Variants in GSE1 observed in about 807,000 individuals in gnomAD.
GSE1 encodes genetic suppressor element 1.
A neutral mutation model predicts 112.6 loss-of-function variants in GSE1; 32 were observed. The observed-to-expected ratio is 0.28, with a 90% CI of 0.21 to 0.38. GSE1 has a LOEUF of 0.38. Among genes scored for constraint, GSE1 ranks in the 10% least tolerant of loss-of-function variants. The pLI, the probability that GSE1 is intolerant of heterozygous loss-of-function variation, is 1.00. For synonymous variants in GSE1, 1,115 were observed against 735.6 expected (o/e 1.52, Z -8.35); for missense variants, 2,348 against 1,699.2 (o/e 1.38, Z -6.71).
intron 2 of GSE1, among the ~76,000 whole-genome samples, chr16:85,546,436 C>G (rs1431429113): frequency 1.3e-5 from 2 of 152,170 alleles, no homozygotes; most frequent in Non-Finnish European, 2.9e-5. Context: ...GGCTCAACCT[C>G]TCAGGGGTGC....
At chr16:85,508,015 C>T (rs372770871) in intron 2 of GSE1, among the ~76,000 whole-genome samples, 53 of 152,246 alleles carry the variant, frequency 3.5e-4, no homozygotes, top group East Asian at 1.9e-3. Context: ...TGGCCAGTGC[C>T]CCGACTTCTA....
At position 85,235,470 on chromosome 16, in the gene GSE1, G is replaced by GTA. The variant is rs1555544676; in HGVS notation, c.2283+63664_2283+63665dup. On this transcript the variant is annotated intron_variant, in intron 1 of 2. Transcript: ENST00000637419. ...TGTGTGTGTGTGTGTGTGTGTGTGT[G>GTA]TAGGGGGTGTGTTCTGGCCTCCCAT... 1.2e-3 allele frequency among the ~76,000 whole-genome samples: 166 copies of GTA among 135,250 alleles called. 1 individual carries two copies. Among genetic ancestry groups the GTA allele is most frequent in the African/African-American group, 4.4e-3 (158 of 36,304 alleles). The allele number at this position is 135,250 out of a possible 152,430, so 88.7% of individuals were successfully genotyped here.
upstream of GSE1, among the ~76,000 whole-genome samples, chr16:85,607,608 C>A (rs1265162640): frequency 6.6e-6 from 1 of 152,130 alleles, no homozygotes; most frequent in Non-Finnish European, 1.5e-5. Context: ...TTCCTGTTCC[C>A]CTAGAGGTGA....
At chr16:85,629,106 C>T (rs574791547) in intron 1 of GSE1, among the ~76,000 whole-genome samples, 4 of 152,350 alleles carry the variant, frequency 2.6e-5, no homozygotes, top group South Asian at 2.1e-4. Context: ...TGGCTTCCCT[C>T]GCCTTCCGCC....
chr16:85,464,369 G>A (rs1250695341), intron 2 of GSE1, among the ~76,000 whole-genome samples: 1 of 152,202 alleles, frequency 6.6e-6, no homozygotes, highest in Admixed American at 6.5e-5. Context: ...TTAGAGAAAA[G>A]GGGAGGCTTT....
chr16:85,390,703 C>CA (rs1351029682), intron 2 of GSE1, among the ~76,000 whole-genome samples: 2 of 15,464 alleles, frequency 1.3e-4, no homozygotes, highest in Non-Finnish European at 3.6e-4. Context: ...CCTTGTTCTG[C>CA]CCCCCCCACC....
intron 2 of GSE1, among the ~76,000 whole-genome samples, chr16:85,524,712 G>A (rs577929380): frequency 6.6e-6 from 1 of 152,314 alleles, no homozygotes; most frequent in South Asian, 2.1e-4. Context: ...GTAATCACGA[G>A]GGGGAGAGGG....
intron 2 of GSE1, among the ~76,000 whole-genome samples, chr16:85,645,769 G>A (rs1416322499): frequency 6.6e-6 from 1 of 152,246 alleles, no homozygotes; most frequent in Admixed American, 6.5e-5. Flanking sequence ...GAGCTGATGG[G>A]CTGGGGTCCT....
intron 1 of GSE1, among the ~76,000 whole-genome samples, chr16:85,272,291 T>A (rs1360459237): frequency 1.3e-5 from 2 of 152,212 alleles, no homozygotes; most frequent in African/African-American, 4.8e-5. Context: ...GATCCGTTTT[T>A]CCATGTCTGA....
rs567937313 is a variant in GSE1, at chr16:85,654,299, A to C, written c.448A>C (p.Ser150Arg). The change falls in exon 4 of 16, where the codon AGT (serine) becomes CGT (arginine). Residue 150 changes from serine to arginine, a missense_variant. Physicochemically the swap from Ser to Arg is moderately radical, Grantham distance 110. Transcript: ENST00000253458. Reference sequence around the variant, plus strand: ...GCAGGATGCCGGCTCCAGGAGCAGCAGTGGAGGTCGGGAACGCCTCATTGT... The same window carrying C: ...GCAGGATGCCGGCTCCAGGAGCAGCCGTGGAGGTCGGGAACGCCTCATTGT... ...SRQDAGSRSS[S>R]GGRERLIVEP... 1.7e-5 allele frequency: 27 copies of C among 1,605,220 alleles called. No individual in the cohort carries two copies. In the South Asian group the frequency reaches 3.0e-4, roughly 18 times the overall value.
chr16:85,297,794 A>T (rs1028115858), intron 1 of GSE1, among the ~76,000 whole-genome samples: 3 of 152,174 alleles, frequency 2.0e-5, no homozygotes, highest in African/African-American at 7.2e-5. Context: ...TACAGACGTG[A>T]GCCACTGCAC....
intron 1 of GSE1, among the ~76,000 whole-genome samples, chr16:85,619,870 C>T (rs1158441950): frequency 2.6e-5 from 4 of 152,142 alleles, no homozygotes; most frequent in African/African-American, 4.8e-5. Context: ...AGTCACACAG[C>T]TGGTAATTAA....
At chr16:85,519,136 G>T (rs1259281936) in intron 2 of GSE1, among the ~76,000 whole-genome samples, 10 of 152,048 alleles carry the variant, frequency 6.6e-5, no homozygotes, top group Middle Eastern at 3.4e-3. Context: ...ATGAGGTACT[G>T]GGTATCAAGT....
chr16:85,346,795 GTAGA>G (rs2046751049), intron 1 of GSE1, among the ~76,000 whole-genome samples: 1 of 146,526 alleles, frequency 6.8e-6, no homozygotes, highest in African/African-American at 2.5e-5. Flanking sequence ...GGATGGACAG[GTAGA>G]TGGATGAGTG....
chr16:85,568,950 G>A (rs2045870309), intron 1 of GSE1, among the ~76,000 whole-genome samples: 1 of 152,180 alleles, frequency 6.6e-6, no homozygotes, highest in Non-Finnish European at 1.5e-5. Flanking sequence ...TCCTGGGAAG[G>A]ATGGAGACCC....
In GSE1 at chr16:85,392,713, A is replaced by G. The variant is rs531650098; in HGVS notation, c.2464+35070A>G. Among the ~76,000 whole-genome samples the G allele has an allele frequency of 1.3e-3, 205 of 152,338 alleles. 1 individual carries two copies. Among genetic ancestry groups the G allele is most frequent in the Non-Finnish European group, 2.4e-3 (161 of 68,024 alleles). On this transcript the variant is annotated intron_variant, in intron 2 of 2. Transcript: ENST00000637419. ...ACTATCTCTGTATCACAGATGAGGA[A>G]ACTGAGAGCCAGCCGCATATCACAG...
At chr16:85,377,226 C>T (rs2047441040) in intron 2 of GSE1, among the ~76,000 whole-genome samples, 1 of 152,198 alleles carries the variant, frequency 6.6e-6, no homozygotes, top group East Asian at 1.9e-4. Context: ...TCTCTCTGTG[C>T]TTCTCTCTGG....
At chr16:85,491,111 C>T (rs532139000) in intron 2 of GSE1, among the ~76,000 whole-genome samples, 113 of 152,180 alleles carry the variant, frequency 7.4e-4, no homozygotes, top group South Asian at 1.4e-3. Context: ...CAAGCCCTGT[C>T]GCAGGGGGCG....
At chr16:85,633,013 TGCCGCCGCC>T (rs71153808) in intron 1 of GSE1, among the ~76,000 whole-genome samples, 1 of 146,102 alleles carries the variant, frequency 6.8e-6, no homozygotes, top group African/African-American at 2.7e-5. Flanking sequence ...AGACCTCTGG[TGCCGCCGCC>T]GCCGCCGCTG....
Sources: allele counts gnomAD v4.1 joint callset (sites outside exome capture counted in the v4.1 genomes callset), GRCh38; gene constraint gnomAD v4.1.1; transcripts MANE v1.5; gene names NCBI Gene and HGNC (gene_info 2026-07-23, HGNC 2026-07-21).